LINGO2: variants seen among roughly 807,000 people sequenced by gnomAD.
LINGO2 encodes leucine-rich repeat and immunoglobulin-like domain-containing nogo receptor-interacting protein 2.
In LINGO2, 14 loss-of-function variants were observed where a neutral mutation model predicts 30.6. The observed-to-expected ratio is 0.46, with a 90% confidence interval of 0.30 to 0.72. The LOEUF is 0.72. Ranked by LOEUF, LINGO2 falls within the 30% of genes least tolerant of loss-of-function variation. The pLI, the probability that LINGO2 is intolerant of heterozygous loss-of-function variation, is 0.07. For missense variants in LINGO2, 729 were observed against 751.7 expected (o/e 0.97, Z 0.35); for synonymous variants, 317 against 288.5 (o/e 1.10, Z -1.00).
At chr9:28,353,610 C>G (rs999261979) in intron 3 of LINGO2, among the ~76,000 whole-genome samples, 16 of 151,906 alleles carry the variant, frequency 1.1e-4, no homozygotes, top group Non-Finnish European at 1.6e-4. Flanking sequence ...CCTCAGGGAT[C>G]TAGAACTAGA....
At position 28,147,226 on chromosome 9, in the gene LINGO2, C is replaced by A. The variant is rs1053896315; in HGVS notation, c.-86-134821G>T. 6.6e-6 allele frequency among the ~76,000 whole-genome samples: 1 copy of A among 152,184 alleles called. No homozygotes were observed. Among genetic ancestry groups the A allele is most frequent in the Non-Finnish European group, 1.5e-5 (1 of 68,026 alleles). On this transcript the variant is annotated intron_variant, in intron 4 of 5. Transcript: ENST00000379992. The surrounding 1 kb of genome is among the most constrained non-coding windows in gnomAD (Gnocchi z 4.7). ...GAAAAAATAAGAATAGATGTTGTAT[C>A]CATGATCATGAGGCACACAGGCCAG...
chr9:28,876,039 C>T, the LINGO2 span, among the ~76,000 whole-genome samples: 12 of 151,864 alleles, frequency 7.9e-5, no homozygotes, highest in Admixed American at 7.9e-4. Flanking sequence ...AATATTAAAC[C>T]CTTTCACTCC....
the LINGO2 span, among the ~76,000 whole-genome samples, chr9:28,990,288 A>G: frequency 5.9e-3 from 893 of 152,310 alleles, 8 homozygotes; most frequent in African/African-American, 0.021. Context: ...GCAAGGCAGC[A>G]GCAAGGCTGG....
chr9:28,582,653 G>GA (rs1824316214), intron 1 of LINGO2, among the ~76,000 whole-genome samples: 1 of 152,040 alleles, frequency 6.6e-6, no homozygotes, highest in Non-Finnish European at 1.5e-5. Context: ...TCCTGCTTCT[G>GA]AAAATCCATC....
chr9:28,293,824 C>T (rs1415597808), intron 4 of LINGO2, among the ~76,000 whole-genome samples: 2 of 152,024 alleles, frequency 1.3e-5, no homozygotes, highest in Non-Finnish European at 2.9e-5. Context: ...GAAGTCTATC[C>T]CAAAGTATTT....
intron 3 of LINGO2, among the ~76,000 whole-genome samples, chr9:28,317,445 T>G (rs1824884742): frequency 1.3e-5 from 2 of 152,202 alleles, no homozygotes; most frequent in Non-Finnish European, 1.5e-5. Context: ...AACATGTTGC[T>G]TTGTAACTTT....
At chr9:27,950,580 C>T (rs906339987) in exon 6 of LINGO2, 7 of 1,529,644 alleles carry the variant, frequency 4.6e-6, no homozygotes, top group South Asian at 1.3e-5. Context: ...GCACTCACAG[C>T]GAGCGGGGCA....
At chr9:29,053,733 T>A in the LINGO2 span, among the ~76,000 whole-genome samples, 2 of 152,170 alleles carry the variant, frequency 1.3e-5, no homozygotes, top group Non-Finnish European at 2.9e-5. Flanking sequence ...GGTTTTCATT[T>A]TTGTCAATAG....
At chr9:28,070,238 G>C (rs1825434411) in intron 4 of LINGO2, among the ~76,000 whole-genome samples, 1 of 151,956 alleles carries the variant, frequency 6.6e-6, no homozygotes, top group African/African-American at 2.4e-5. Flanking sequence ...TAGTCTATTA[G>C]TTTACCAGAA....
chr9:28,774,943 C>T, the LINGO2 span, among the ~76,000 whole-genome samples: 10 of 151,640 alleles, frequency 6.6e-5, no homozygotes, highest in Non-Finnish European at 1.2e-4. Flanking sequence ...TTTCAAAGAC[C>T]ACACAGGAAC....
intron 1 of LINGO2, among the ~76,000 whole-genome samples, chr9:28,587,796 C>A (rs149999218): frequency 0.022 from 3,403 of 152,044 alleles, 83 homozygotes; most frequent in Non-Finnish European, 0.035. Context: ...GTTACATACA[C>A]CACATGTGGA....
the LINGO2 span, among the ~76,000 whole-genome samples, chr9:28,942,565 G>A: frequency 6.6e-6 from 1 of 152,274 alleles, no homozygotes; most frequent in Admixed American, 6.5e-5. Flanking sequence ...CTCTGTCTGA[G>A]TCTGTCTCCT....
chr9:28,589,256 T>C (rs1250635692), intron 1 of LINGO2, among the ~76,000 whole-genome samples: 1 of 152,048 alleles, frequency 6.6e-6, no homozygotes, highest in Non-Finnish European at 1.5e-5. Flanking sequence ...GGGGATGCCC[T>C]CTCTCACCAC....
intron 1 of LINGO2, among the ~76,000 whole-genome samples, chr9:28,626,472 C>T (rs1239740439): frequency 6.6e-6 from 1 of 151,990 alleles, no homozygotes; most frequent in Non-Finnish European, 1.5e-5. Flanking sequence ...ATATCTTTGT[C>T]CACTCCCCAC....
chr9:28,928,804 G>A, the LINGO2 span, among the ~76,000 whole-genome samples: 3 of 152,142 alleles, frequency 2.0e-5, no homozygotes, highest in East Asian at 5.8e-4. Context: ...AGGAATCTAA[G>A]AATAGCCTTT....
the LINGO2 span, among the ~76,000 whole-genome samples, chr9:28,913,972 A>G: frequency 6.6e-6 from 1 of 152,182 alleles, no homozygotes; most frequent in African/African-American, 2.4e-5. Flanking sequence ...ACTTTTGAAT[A>G]CTGACATATC....
At chr9:28,202,915 C>A (rs1820287144) in intron 4 of LINGO2, among the ~76,000 whole-genome samples, 1 of 152,146 alleles carries the variant, frequency 6.6e-6, no homozygotes. Flanking sequence ...TTTCATTTCA[C>A]AAGTGACACA....
At chr9:29,189,265 C>T in the LINGO2 span, among the ~76,000 whole-genome samples, 36 of 144,058 alleles carry the variant, frequency 2.5e-4, 1 homozygote, top group Middle Eastern at 0.013. Context: ...GCTGGCCTGG[C>T]GGGGGGCTGA....
chr9:28,061,976 A>G (rs1423792076), intron 4 of LINGO2, among the ~76,000 whole-genome samples: 1 of 152,134 alleles, frequency 6.6e-6, no homozygotes, highest in East Asian at 1.9e-4. Flanking sequence ...GATGAAATAT[A>G]TGTTTAGTTT....
Sources: allele counts gnomAD v4.1 joint callset (sites outside exome capture counted in the v4.1 genomes callset), GRCh38; gene constraint gnomAD v4.1.1; non-coding constraint Gnocchi (gnomAD v3.1); transcripts MANE v1.5; gene names NCBI Gene and HGNC (gene_info 2026-07-23, HGNC 2026-07-21).